IPCEF1: variants seen among roughly 807,000 people sequenced by gnomAD.
IPCEF1 encodes interaction protein for cytohesin exchange factors 1, also known as interactor protein for cytohesin exchange factors 1.
A neutral mutation model predicts 50.9 loss-of-function variants in IPCEF1; 31 were observed. The observed-to-expected ratio is 0.61, with a 90% CI of 0.46 to 0.82. The LOEUF (loss-of-function observed/expected upper bound fraction) is 0.82. Among genes scored for constraint, IPCEF1 ranks in the 40% least tolerant of loss-of-function variants. IPCEF1 has a pLI of 0.00. For missense variants in IPCEF1, 458 were observed against 514.0 expected (o/e 0.89, Z 1.05); for synonymous variants, 181 against 192.0 (o/e 0.94, Z 0.47).
At chr6:154,328,593 TAA>T (rs35105337) in intron 1 of IPCEF1, among the ~76,000 whole-genome samples, 5 of 145,568 alleles carry the variant, frequency 3.4e-5, no homozygotes, top group Non-Finnish European at 1.5e-5. Context: ...AAAAGAAAAT[TAA>T]AAAAAAAAAA....
rs1475019739 is a variant in IPCEF1 at position 154,155,181 on chromosome 6, G to A, written c.*4647C>T. 1 of 152,170 alleles carries A rather than the reference G, an allele frequency of 6.6e-6. No individual in the cohort carries two copies. Among genetic ancestry groups the A allele is most frequent in the African/African-American group, 2.4e-5 (1 of 41,430 alleles). 9.4% of individuals were successfully genotyped at this position (152,170 alleles called of 1,614,324 possible). On this transcript the variant is annotated 3_prime_UTR_variant, in exon 12 of 12. Coordinates refer to ENST00000367220, the MANE Select transcript of IPCEF1 (RefSeq NM_001130700.2). ...GTCTGCTCAATGCCTCATTCAAGGA[G>A]ACGAGTGGCTTTCTGTGAGGAGAGA... is the stretch of plus-strand genomic sequence containing the variant.
intron 10 of IPCEF1, among the ~76,000 whole-genome samples, chr6:154,182,343 A>G (rs1432311160): frequency 1.3e-5 from 2 of 152,148 alleles, no homozygotes; most frequent in Admixed American, 1.3e-4. Context: ...GAACAATCCT[A>G]GTCTATTGGG....
At chr6:154,196,028 G>A (rs1428248692) in intron 10 of IPCEF1, among the ~76,000 whole-genome samples, 1 of 152,038 alleles carries the variant, frequency 6.6e-6, no homozygotes, top group East Asian at 1.9e-4. Context: ...CTGACCTCGT[G>A]ATCCGCCTAC....
chr6:154,290,305 G>A (rs1351104644), intron 1 of IPCEF1, among the ~76,000 whole-genome samples: 1 of 152,150 alleles, frequency 6.6e-6, no homozygotes, highest in East Asian at 1.9e-4. Flanking sequence ...CGTCTGGCAG[G>A]CCATTGCACA....
intron 1 of IPCEF1, among the ~76,000 whole-genome samples, chr6:154,334,515 G>A (rs1783747888): frequency 6.6e-6 from 1 of 152,224 alleles, no homozygotes. Flanking sequence ...GCAAGGCTAA[G>A]GATACATGCC....
At chr6:154,284,119 G>A (rs1030824866) in intron 2 of IPCEF1, among the ~76,000 whole-genome samples, 1 of 152,138 alleles carries the variant, frequency 6.6e-6, no homozygotes. Flanking sequence ...TCACACATTT[G>A]CAGTTACATT....
At chr6:154,251,428 C>A (rs1165617006) in intron 3 of IPCEF1, among the ~76,000 whole-genome samples, 1 of 152,116 alleles carries the variant, frequency 6.6e-6, no homozygotes, top group Non-Finnish European at 1.5e-5. Flanking sequence ...ATGAATAAAG[C>A]TTAATAATCA....
intron 2 of IPCEF1, among the ~76,000 whole-genome samples, chr6:154,274,744 CA>C (rs1217730565): frequency 6.6e-6 from 1 of 152,162 alleles, no homozygotes; most frequent in Admixed American, 6.5e-5. Context: ...AGCCGTGGGC[CA>C]CACCCTGGCC....
chr6:154,198,868 C>A (rs1431367204), intron 10 of IPCEF1, among the ~76,000 whole-genome samples: 3 of 152,090 alleles, frequency 2.0e-5, no homozygotes, highest in African/African-American at 2.4e-5. Flanking sequence ...AATGGCACAC[C>A]AAAAATATAC....
chr6:154,241,928 G>A (rs746351235), intron 5 of IPCEF1, among the ~76,000 whole-genome samples: 20 of 152,100 alleles, frequency 1.3e-4, no homozygotes, highest in Admixed American at 3.3e-4. Context: ...TATGCAGCCT[G>A]GGGAAAAGAG....
intron 10 of IPCEF1, among the ~76,000 whole-genome samples, chr6:154,177,656 T>A (rs993433190): frequency 1.1e-4 from 17 of 152,172 alleles, no homozygotes; most frequent in Non-Finnish European, 2.5e-4. Flanking sequence ...CTGGAGAGGA[T>A]GTGGAGAAAT....
At chr6:154,185,344 A>G (rs1801244739) in intron 10 of IPCEF1, among the ~76,000 whole-genome samples, 1 of 152,202 alleles carries the variant, frequency 6.6e-6, no homozygotes, top group African/African-American at 2.4e-5. Context: ...AGATATTCAC[A>G]ATGTACCTTT....
chr6:154,213,209 G>A, intron 8 of IPCEF1: 1 of 246,444 alleles, frequency 4.1e-6, no homozygotes, highest in Non-Finnish European at 8.1e-6. Context: ...AATTGAAACT[G>A]GCAGGATCAC....
chr6:154,159,877 TG>T lies in IPCEF1; in HGVS notation c.1267del (p.Gln423ArgfsTer59), dbSNP rs749464600. ...PAPDDTDDTP[Q>X]ELKKSPSSPS... is the part of the protein sequence containing the mutation. The stretch of plus-strand genomic sequence containing the variant: ...AGAAGAAGGTGATTTCTTGAGTTCC[TG>T]GGGGGTGTCATCAGTGTCATCAGGG... On this transcript the variant is annotated frameshift_variant, in exon 12 of 12. Coordinates refer to ENST00000367220, the MANE Select transcript of IPCEF1 (RefSeq NM_001130700.2). LOFTEE classifies it high-confidence loss of function. 11 of 1,613,188 alleles carry T rather than the reference TG, an allele frequency of 6.8e-6. No individual in the cohort carries two copies. The highest frequency in any genetic ancestry group is 1.1e-5 in the South Asian group (1 of 90,790).
intron 1 of IPCEF1, among the ~76,000 whole-genome samples, chr6:154,330,928 T>G (rs1453283801): frequency 6.6e-6 from 1 of 152,152 alleles, no homozygotes; most frequent in Non-Finnish European, 1.5e-5. Flanking sequence ...TAGGCAGACA[T>G]GAGCAGGGCA....
chr6:154,294,979 A>G (rs967517891), intron 1 of IPCEF1, among the ~76,000 whole-genome samples: 3 of 150,356 alleles, frequency 2.0e-5, no homozygotes, highest in Admixed American at 1.3e-4. Context: ...CGGGCACATT[A>G]TGAGGTCAGG....
intron 1 of IPCEF1, among the ~76,000 whole-genome samples, chr6:154,316,221 C>T (rs1219273358): frequency 6.6e-6 from 1 of 152,178 alleles, no homozygotes; most frequent in Non-Finnish European, 1.5e-5. Context: ...CCATTATTGG[C>T]CCTCTCCTTC....
intron 7 of IPCEF1, among the ~76,000 whole-genome samples, chr6:154,220,578 G>T (rs1404036285): frequency 1.3e-5 from 2 of 152,126 alleles, no homozygotes; most frequent in Admixed American, 6.5e-5. Flanking sequence ...GGATGCAGAG[G>T]TTGCAGTGAG....
intron 8 of IPCEF1, 58 bp downstream of exon 8, chr6:154,214,160 T>G: frequency 9.2e-7 from 1 of 1,090,800 alleles, no homozygotes; most frequent in Non-Finnish European, 1.4e-6. Context: ...TTTTTCACCC[T>G]GTTTCAACCT....
Sources: gnomAD v4.1 joint callset for allele counts (sites outside exome capture counted in the v4.1 genomes callset) on GRCh38, gnomAD v4.1.1 for gene constraint, MANE v1.5 for transcripts, NCBI Gene and HGNC (gene_info 2026-07-23, HGNC 2026-07-21) for gene names.